The following ZNF638 variants were observed in gnomAD, a reference collection of about 807,000 sequenced individuals.
ZNF638 encodes the protein CTCL tumor antigen se33-1.
In ZNF638, 46 loss-of-function variants were observed where a neutral mutation model predicts 195.6. That is an observed-to-expected ratio of 0.24 (90% CI 0.19 to 0.30). The LOEUF is 0.30. ZNF638 is among the 10% of genes least tolerant of loss of function. The probability of loss-of-function intolerance (pLI) is 1.00; values close to 1 mark genes in which losing one functional copy is unlikely to be tolerated. For missense variants in ZNF638, 2,440 were observed against 2,325.3 expected (o/e 1.05, Z -1.01); for synonymous variants, 845 against 772.0 (o/e 1.09, Z -1.57).
At chr2:71,419,092 CA>C (rs1248664244) in intron 21 of ZNF638, among the ~76,000 whole-genome samples, 2 of 151,942 alleles carry the variant, frequency 1.3e-5, no homozygotes, top group Non-Finnish European at 2.9e-5. Context: ...AGTATTTGTC[CA>C]AAAAAATTAT....
chr2:71,372,451 C>A (rs2079331060), intron 8 of ZNF638, among the ~76,000 whole-genome samples: 1 of 152,100 alleles, frequency 6.6e-6, no homozygotes, highest in Non-Finnish European at 1.5e-5. Flanking sequence ...ATGTAAAGTC[C>A]CCTAGTTACT....
intron 8 of ZNF638, among the ~76,000 whole-genome samples, chr2:71,379,030 G>C (rs2079486873): frequency 6.6e-6 from 1 of 152,134 alleles, no homozygotes; most frequent in Non-Finnish European, 1.5e-5. Context: ...GTTTTGAGTT[G>C]TGGAACAGCA....
intron 8 of ZNF638, 111 bp downstream of exon 8, chr2:71,370,116 A>C: frequency 8.6e-7 from 1 of 1,169,232 alleles, no homozygotes. Context: ...ATGTTAGCTC[A>C]ACACATTATA....
At chr2:71,418,195 G>A (rs188962860) in intron 20 of ZNF638, 1 of 154,196 alleles carries the variant, frequency 6.5e-6, no homozygotes, top group Admixed American at 6.5e-5. Context: ...ATTTTATTTA[G>A]CATTTCTAGG....
chr2:71,372,082 T>C (rs1238422532), intron 8 of ZNF638, among the ~76,000 whole-genome samples: 1 of 152,162 alleles, frequency 6.6e-6, no homozygotes, highest in Non-Finnish European at 1.5e-5. Flanking sequence ...TATTTGATTT[T>C]TGTATATGGT....
chr2:71,395,949 T>A, intron 10 of ZNF638, 192 bp from the exon 11 acceptor site: 1 of 613,510 alleles, frequency 1.6e-6, no homozygotes, highest in South Asian at 2.0e-5. Flanking sequence ...AAAATTTAAA[T>A]CTGTATGCCT....
In ZNF638 at chr2:71,426,800, C is replaced by G. The variant is rs2080549092; in HGVS notation, c.4931C>G (p.Thr1644Arg). The part of the protein sequence containing the change: ...EMVKNSNSLF[T>R]LDELIDQDDC... ...GTAAAAAATTCAAATTCACTTTTTACATTAGATGAATTAATTGACCAAGAT... is the reference window on the plus strand; with the variant it reads ...GTAAAAAATTCAAATTCACTTTTTAGATTAGATGAATTAATTGACCAAGAT... The change falls in exon 24 of 28, where the codon ACA becomes AGA. Residue 1644 changes from threonine to arginine, a missense_variant. By Grantham distance (71) the Thr-to-Arg change is moderately conservative. This residue lies in a region of ZNF638 where 1,883 missense variants were observed against 1,739.1 expected (regional missense o/e 1.08). Coordinates refer to ENST00000264447, the MANE Select transcript of ZNF638 (RefSeq NM_014497.5). 2 of 1,613,298 alleles carry G rather than the reference C, an allele frequency of 1.2e-6. No individual in the cohort carries two copies. The highest frequency in any genetic ancestry group is 1.7e-6 in the Non-Finnish European group (2 of 1,179,572).
chr2:71,425,899 A>T (rs182821063), intron 23 of ZNF638, among the ~76,000 whole-genome samples: 4 of 152,228 alleles, frequency 2.6e-5, no homozygotes, highest in Admixed American at 2.6e-4. Context: ...TCCTGACCTC[A>T]GGTGATCAGC....
intron 17 of ZNF638, 25 bp downstream of exon 17, chr2:71,404,023 A>G: frequency 6.3e-7 from 1 of 1,584,674 alleles, no homozygotes; most frequent in Non-Finnish European, 8.6e-7. Flanking sequence ...CATTTTTACT[A>G]GCTCTTACTA....
At chr2:71,342,048 C>T (rs1274084294) in intron 1 of ZNF638, among the ~76,000 whole-genome samples, 5 of 151,728 alleles carry the variant, frequency 3.3e-5, no homozygotes, top group Admixed American at 6.6e-5. Flanking sequence ...AAAGGTGGAA[C>T]GAAACAAAGA....
At chr2:71,414,712 T>A (rs1257356519) in intron 20 of ZNF638, among the ~76,000 whole-genome samples, 1 of 120,938 alleles carries the variant, frequency 8.3e-6, no homozygotes, top group Non-Finnish European at 1.7e-5. Context: ...ACATCTTTAT[T>A]TGTGCCTTCA....
intron 21 of ZNF638, among the ~76,000 whole-genome samples, chr2:71,419,051 C>CT (rs1218125404): frequency 1.3e-5 from 2 of 151,946 alleles, no homozygotes; most frequent in South Asian, 2.1e-4. Flanking sequence ...TGTTTTGATA[C>CT]TTTTTAAAAA....
In ZNF638 at chr2:71,426,800, C is replaced by T; in HGVS notation, c.4931C>T (p.Thr1644Ile). The stretch of plus-strand genomic sequence containing the variant: ...GTAAAAAATTCAAATTCACTTTTTA[C>T]ATTAGATGAATTAATTGACCAAGAT... ...EMVKNSNSLF[T>I]LDELIDQDDC... The change falls in exon 24 of 28, where the codon ACA (threonine) becomes ATA (isoleucine). Residue 1644 changes from threonine to isoleucine, a missense_variant. Thr to Ile is a moderately conservative substitution (Grantham distance 89). Coordinates refer to ENST00000264447, the MANE Select transcript of ZNF638 (RefSeq NM_014497.5). 1 of 1,613,298 alleles carries T rather than the reference C, an allele frequency of 6.2e-7. No individual in the cohort carries two copies. The highest frequency in any genetic ancestry group is 8.5e-7 in the Non-Finnish European group (1 of 1,179,572).
At chr2:71,380,046 A>G (rs935134476) in intron 8 of ZNF638, 176 bp from the exon 9 acceptor site, 1 of 435,470 alleles carries the variant, frequency 2.3e-6, no homozygotes, top group Non-Finnish European at 4.1e-6. Flanking sequence ...ATGAGTTGTG[A>G]AAGATGAGAT....
intron 20 of ZNF638, among the ~76,000 whole-genome samples, chr2:71,410,976 CACCA>C (rs1418730838): frequency 6.9e-4 from 59 of 85,628 alleles, no homozygotes; most frequent in East Asian, 1.8e-3. Context: ...TCTCCCCACC[CACCA>C]CCTCCCCCCC....
rs1321979085 is a variant in ZNF638, at chr2:71,349,573, A to C, written c.619A>C (p.Asn207His). Residue 207 changes from asparagine to histidine, a missense_variant, in exon 2 of 28, where the codon AAT becomes CAT. Around this residue, in one of 5 missense-constraint regions of ZNF638, gnomAD observed 305 missense variants for 283.6 expected, o/e 1.08. Coordinates refer to ENST00000264447, the MANE Select transcript of ZNF638 (RefSeq NM_014497.5). The stretch of plus-strand genomic sequence containing the variant: ...ACTTGGTAGTGAAGCAGTTTCAAGT[A>C]ATGTGATCGATTATGGGCATGCAAG... ...ETLGSEAVSS[N>H]VIDYGHASKY... 3 of 1,614,072 alleles carry C rather than the reference A, an allele frequency of 1.9e-6. No individual in the cohort carries two copies. The highest frequency in any genetic ancestry group is 2.5e-6 in the Non-Finnish European group (3 of 1,180,048).
intron 23 of ZNF638, 80 bp downstream of exon 23, chr2:71,424,795 C>A: frequency 2.5e-6 from 3 of 1,188,566 alleles, no homozygotes; most frequent in Admixed American, 2.2e-5. Context: ...TTGTGCCTGC[C>A]TTAACAATGT....
intron 25 of ZNF638, 62 bp downstream of exon 25, chr2:71,428,713 TA>T (rs1393296982): frequency 7.1e-7 from 1 of 1,404,852 alleles, no homozygotes; most frequent in Non-Finnish European, 9.9e-7. Context: ...AGTTGAAGTT[TA>T]AAGATCTATC....
Position 71,373,324 on chromosome 2 carries a change from T to G in ZNF638, c.2265+3319T>G, listed in dbSNP as rs369793716. On this transcript the variant is annotated intron_variant, in intron 8 of 27. Coordinates refer to ENST00000264447, the MANE Select transcript of ZNF638 (RefSeq NM_014497.5). ...ATTATTGTTGTCTTTTTAAAAATAT[T>G]CATTTGAAGGTGCATGAATATTGTG... Among the ~76,000 whole-genome samples the G allele has an allele frequency of 1.1e-3, 168 of 152,252 alleles. 6 individuals carry two copies. In the South Asian group the frequency reaches 0.034, roughly 31 times the overall value.
Sources: gnomAD v4.1 joint callset for allele counts (sites outside exome capture counted in the v4.1 genomes callset) on GRCh38, gnomAD v4.1.1 for gene constraint, gnomAD v4.1.1 regional missense constraint, MANE v1.5 for transcripts, NCBI Gene and HGNC (gene_info 2026-07-23, HGNC 2026-07-21) for gene names.